The following RC3H1 variants were observed in gnomAD, a reference collection of about 807,000 sequenced individuals.
RC3H1 encodes roquin-1.
In RC3H1, 50 loss-of-function variants were observed where a neutral mutation model predicts 138.2. The observed-to-expected ratio is 0.36, with a 90% CI of 0.29 to 0.46. RC3H1 has a LOEUF of 0.46. RC3H1 is among the 20% of genes least tolerant of loss of function. The probability of loss-of-function intolerance (pLI) is 1.00; values close to 1 mark genes in which losing one functional copy is unlikely to be tolerated. For missense variants in RC3H1, 1,031 were observed against 1,388.1 expected, an observed-to-expected ratio of 0.74 and a Z score of 4.09; for synonymous variants, 462 against 489.1, an observed-to-expected ratio of 0.94 and a Z score of 0.73.
In RC3H1 at chr1:173,951,997, C is replaced by T; in HGVS notation, c.2512G>A (p.Val838Met). 1 of 1,604,790 alleles carries T rather than the reference C, an allele frequency of 6.2e-7. No individual in the cohort carries two copies. The highest frequency in any genetic ancestry group is 8.5e-7 in the Non-Finnish European group (1 of 1,176,268). The change falls in exon 14 of 20, where the codon GTG becomes ATG. Residue 838 changes from valine (V) to methionine (M), a missense_variant. Val to Met is a conservative substitution (Grantham distance 21, BLOSUM62 1). This residue lies in a region of RC3H1 where 716 missense variants were observed against 837.9 expected (regional missense o/e 0.85). Transcript: ENST00000367696. ...KPKDVVAAGS[V>M]EMMNVESKGM... ...GCTATTACACATACCATCATTTCCA[C>T]ACTCCCTGCTGCCACAACATCTTTG...
Position 173,938,823 on chromosome 1 carries a change from TAG to T in RC3H1, c.3298_3299del (p.Leu1100IlefsTer14). On this transcript the variant is annotated frameshift_variant, in exon 20 of 20. Transcript: ENST00000367696. LOFTEE classifies it high-confidence loss of function. Reference sequence around the variant, plus strand: ...GGTTCAGAGAGCTGGTCTTGTTTGATAGGAGGCTGATATTCTCTTGTGTCAAG... The same window carrying T: ...GGTTCAGAGAGCTGGTCTTGTTTGATGAGGCTGATATTCTCTTGTGTCAAG... ...SALTQENISL[L>X]SNKTSSLNLS... is the part of the protein sequence containing the mutation. 1 of 1,613,750 alleles carries T rather than the reference TAG, an allele frequency of 6.2e-7. No individual in the cohort carries two copies. The highest frequency in any genetic ancestry group is 1.1e-5 in the South Asian group (1 of 91,044).
chr1:173,965,237 G>T (rs1557932626), intron 9 of RC3H1, 117 bp from the exon 10 acceptor site: 1 of 939,290 alleles, frequency 1.1e-6, no homozygotes, highest in Non-Finnish European at 1.6e-6. Flanking sequence ...AACTCTATCA[G>T]TGTGTATATT....
intron 1 of RC3H1, among the ~76,000 whole-genome samples, chr1:174,002,058 G>A (rs1661573860): frequency 6.6e-6 from 1 of 151,708 alleles, no homozygotes; most frequent in South Asian, 2.1e-4. Context: ...CTGTTTTTTT[G>A]TTGGGGGCGG....
chr1:173,980,743 A>T, intron 6 of RC3H1, 66 bp downstream of exon 6: 1 of 1,216,410 alleles, frequency 8.2e-7, no homozygotes, highest in Non-Finnish European at 1.2e-6. Flanking sequence ...TTTAATATAC[A>T]TTTGTTAAAT....
rs762113395 is a variant in RC3H1 at position 173,961,907 on chromosome 1, G to A, written c.2020C>T (p.Arg674Ter). ...PIYPSHYDGR[R>*]VYPAPSYTRE... ...GTGTAAGACGGAGCAGGGTACACTC[G>A]ACGGCCATCATAGTGAGATGGGTAT... Residue 674 changes from arginine to a stop codon, truncating the protein, a stop_gained, in exon 12 of 20, where the codon CGA (arginine) becomes TGA (stop). Transcript: ENST00000367696. LOFTEE classifies it high-confidence loss of function. 3 of 1,614,080 alleles carry A rather than the reference G, an allele frequency of 1.9e-6. No individual in the cohort carries two copies. Among genetic ancestry groups the A allele is most frequent in the Admixed American group, 1.7e-5 (1 of 60,006 alleles).
In RC3H1 at chr1:173,965,116, G is replaced by A. The variant is rs1160885450; in HGVS notation, c.1339C>T (p.Arg447Cys). 6.2e-6 allele frequency: 10 copies of A among 1,607,042 alleles called. No homozygotes were observed. Among genetic ancestry groups the A allele is most frequent in the Admixed American group, 3.4e-5 (2 of 58,264 alleles). The change falls in exon 10 of 20, where the codon CGT becomes TGT. Residue 447 changes from arginine to cysteine, a missense_variant. Transcript: ENST00000367696. Reference sequence around the variant, plus strand: ...GGAACCAGGCGCTTATTCATTTTACGAAATCTATATAAAAAGCATAGGCAC... The same window carrying A: ...GGAACCAGGCGCTTATTCATTTTACAAAATCTATATAAAAAGCATAGGCAC... Reference protein sequence around the residue: ...AHSQEELEKFRKMNKRLVPRR... With the variant: ...AHSQEELEKFCKMNKRLVPRR...
intron 7 of RC3H1, among the ~76,000 whole-genome samples, chr1:173,976,923 CTTTTTTT>C (rs542743644): frequency 7.5e-6 from 1 of 132,534 alleles, no homozygotes; most frequent in Non-Finnish European, 1.6e-5. Context: ...GATGTGATTT[CTTTTTTT>C]TTTTTTTTTT....
Position 174,013,382 on chromosome 1 carries a change from C to T in RC3H1, c.-151+8714G>A, listed in dbSNP as rs183622178. Among the ~76,000 whole-genome samples, 428 of 151,520 alleles carry T rather than the reference C, an allele frequency of 2.8e-3. 2 individuals are homozygous for T. The highest frequency in any genetic ancestry group is 9.1e-3 in the African/African-American group (375 of 41,294). Reference sequence around the variant, plus strand: ...GAGCCCTTGAAATGTGCTGGTGAGACGGAGGAATTAAATTTTAAATAAAAT... The same window carrying T: ...GAGCCCTTGAAATGTGCTGGTGAGATGGAGGAATTAAATTTTAAATAAAAT... On this transcript the variant is annotated intron_variant, in intron 1 of 19. Coordinates refer to ENST00000367696, the MANE Select transcript of RC3H1 (RefSeq NM_172071.4).
intron 10 of RC3H1, 51 bp from the exon 11 acceptor site, chr1:173,964,238 T>A (rs757530419): frequency 7.2e-7 from 1 of 1,381,820 alleles, no homozygotes; most frequent in Non-Finnish European, 1.0e-6. Flanking sequence ...CTCATGTGCA[T>A]AAATTGTTAC....
At chr1:173,957,548 T>C (rs2102913733) in intron 13 of RC3H1, among the ~76,000 whole-genome samples, 1 of 152,250 alleles carries the variant, frequency 6.6e-6, no homozygotes, top group South Asian at 2.1e-4. Context: ...CACACCTGTT[T>C]TCTTCCCCCC....
chr1:173,962,136 C>A, intron 11 of RC3H1, 41 bp from the exon 12 acceptor site: 3 of 1,531,468 alleles, frequency 2.0e-6, no homozygotes, highest in Non-Finnish European at 2.6e-6. Context: ...AATAATGAGC[C>A]AATTTAGTTT....
At chr1:173,947,262 C>G in intron 15 of RC3H1, 107 bp downstream of exon 15, 1 of 752,892 alleles carries the variant, frequency 1.3e-6, no homozygotes, top group Non-Finnish European at 2.2e-6. Flanking sequence ...TTGAAAATTA[C>G]TGCCTTGCAA....
chr1:173,938,906 G>C (rs1227883356), intron 19 of RC3H1, 35 bp from the exon 20 acceptor site: 9 of 1,518,400 alleles, frequency 5.9e-6, no homozygotes, highest in Non-Finnish European at 7.1e-6. Context: ...AAAGGAGAGA[G>C]AGAAAAATGA....
At chr1:173,956,396 A>G (rs1031982596) in intron 13 of RC3H1, among the ~76,000 whole-genome samples, 1 of 152,152 alleles carries the variant, frequency 6.6e-6, no homozygotes, top group South Asian at 2.1e-4. Flanking sequence ...CATATTGTAT[A>G]TATGTATTGA....
At chr1:173,999,029 G>T (rs1557950871) in intron 1 of RC3H1, among the ~76,000 whole-genome samples, 1 of 151,878 alleles carries the variant, frequency 6.6e-6, no homozygotes, top group Non-Finnish European at 1.5e-5. Context: ...AGGAGTTCAA[G>T]GTTTCAGTGA....
intron 2 of RC3H1, among the ~76,000 whole-genome samples, chr1:173,985,702 G>C (rs1231605166): frequency 2.0e-5 from 3 of 151,892 alleles, no homozygotes; most frequent in Non-Finnish European, 4.4e-5. Context: ...TATAGTCACT[G>C]TTCTGTGCAA....
At position 173,983,628 on chromosome 1, in the gene RC3H1, C is replaced by T. The variant is rs1302833168; in HGVS notation, c.382G>A (p.Val128Ile). 1.2e-6 allele frequency: 2 copies of T among 1,613,824 alleles called. No individual in the cohort carries two copies. The highest frequency in any genetic ancestry group is 2.2e-5 in the East Asian group (1 of 44,890). ...TTCCTCTGCATTGGGCGACTCAGAA[C>T]ACTCTGAGTAGTGCTGTTCAGACCC... ...GVGLNSTTQS[V>I]LSRPMQRKLV... is the part of the protein sequence containing the mutation. The change falls in exon 4 of 20, where the codon GTT (valine) becomes ATT (isoleucine). Residue 128 changes from valine (V) to isoleucine (I), a missense_variant. Physicochemically the swap from Val to Ile is conservative, Grantham distance 29. Around this residue, in one of 7 missense-constraint regions of RC3H1, gnomAD observed 53 missense variants for 137.4 expected, o/e 0.39. Transcript: ENST00000367696.
chr1:173,941,352 C>T lies in RC3H1; in HGVS notation c.3164G>A (p.Ser1055Asn). 1.2e-6 allele frequency: 2 copies of T among 1,613,292 alleles called. No individual in the cohort carries two copies. Among genetic ancestry groups the T allele is most frequent in the South Asian group, 2.2e-5 (2 of 91,060 alleles). The change falls in exon 19 of 20, where the codon AGC (serine) becomes AAC (asparagine). Residue 1055 changes from serine to asparagine, a missense_variant. Physicochemically the swap from Ser to Asn is conservative, Grantham distance 46. This residue lies in a region of RC3H1 where 716 missense variants were observed against 837.9 expected (regional missense o/e 0.85). Coordinates refer to ENST00000367696, the MANE Select transcript of RC3H1 (RefSeq NM_172071.4). ...MENQCSLDMK[S>N]KLNTSKQAEN... ...TGCTTGTTTACTTGTATTCAGTTTG[C>T]TTTTCATGTCCAGAGAACACTGGTT...
chr1:174,012,743 G>A (rs1259482924), intron 1 of RC3H1, among the ~76,000 whole-genome samples: 18 of 148,364 alleles, frequency 1.2e-4, no homozygotes, highest in African/African-American at 3.8e-4. Context: ...AAGATCACGC[G>A]ACTGCACTCC....
Sources: gnomAD v4.1 joint callset for allele counts (sites outside exome capture counted in the v4.1 genomes callset) on GRCh38, gnomAD v4.1.1 for gene constraint, gnomAD v4.1.1 regional missense constraint, MANE v1.5 for transcripts, NCBI Gene and HGNC (gene_info 2026-07-23, HGNC 2026-07-21) for gene names.